FBRSL1: variants seen among roughly 807,000 people sequenced by gnomAD.
The protein encoded by FBRSL1 is fibrosin like 1.
In FBRSL1, 51 loss-of-function variants were observed where a neutral mutation model predicts 89.6. That is an observed-to-expected ratio of 0.57 (90% CI 0.45 to 0.72). FBRSL1 has a LOEUF of 0.72. Among genes scored for constraint, FBRSL1 ranks in the 30% least tolerant of loss-of-function variants. The pLI is 0.00. For missense variants in FBRSL1, 1,618 were observed against 1,451.8 expected (o/e 1.11, Z -1.86); for synonymous variants, 779 against 681.1 (o/e 1.14, Z -2.24).
intron 2 of FBRSL1, among the ~76,000 whole-genome samples, chr12:132,521,296 C>T (rs1006910706): frequency 6.6e-6 from 1 of 152,226 alleles, no homozygotes; most frequent in African/African-American, 2.4e-5. Context: ...CATTTCCACT[C>T]AGACACGGAT....
intron 1 of FBRSL1, among the ~76,000 whole-genome samples, chr12:132,496,524 G>A (rs1055018448): frequency 6.6e-6 from 1 of 152,198 alleles, no homozygotes; most frequent in Non-Finnish European, 1.5e-5. Context: ...CTCTACCTGG[G>A]TACTTTGTTG....
At chr12:132,551,153 A>C in intron 5 of FBRSL1, 1 of 343,130 alleles carries the variant, frequency 2.9e-6, no homozygotes, top group Non-Finnish European at 5.8e-6. Flanking sequence ...CCCGGCTCTG[A>C]GACAGGAACA....
Position 132,530,620 on chromosome 12 carries a change from A to C in FBRSL1, c.615+2632A>C, listed in dbSNP as rs572280794. On this transcript the variant is annotated intron_variant, in intron 4 of 18. Transcript: ENST00000680143. ...ATTATTCAAGTCTTCTCCCCAGAGC[A>C]CTCTGTGTTTCCTGAGAAAGCCCGT... is the stretch of plus-strand genomic sequence containing the variant. Among the ~76,000 whole-genome samples the C allele has an allele frequency of 2.0e-5, 3 of 151,214 alleles. No individual in the cohort carries two copies. In the East Asian group the frequency reaches 5.9e-4, roughly 30 times the overall value.
At chr12:132,510,338 C>T in intron 2 of FBRSL1, 2 of 1,230,580 alleles carry the variant, frequency 1.6e-6, no homozygotes, top group Non-Finnish European at 2.0e-6. Flanking sequence ...AGCCCCGGCT[C>T]TCGCTCCTGG....
chr12:132,580,384 G>A (rs961880570), intron 15 of FBRSL1, among the ~76,000 whole-genome samples: 2 of 152,146 alleles, frequency 1.3e-5, no homozygotes, highest in Admixed American at 6.5e-5. Flanking sequence ...CACTGCGCCC[G>A]GCCAATTTCA....
chr12:132,583,131 C>G lies in FBRSL1; in HGVS notation c.2362C>G (p.Pro788Ala). The change falls in exon 19 of 19, where the codon CCG (proline) becomes GCG (alanine). Residue 788 changes from proline to alanine, a missense_variant. By Grantham distance (27) the Pro-to-Ala change is conservative (BLOSUM62 -1). Transcript: ENST00000680143. The stretch of plus-strand genomic sequence containing the variant: ...ACCTCGGGTCAAGGAGAGCCGCTCC[C>G]CGGCCAAGGAGGAGGCCGCCAAGAT... ...AEPRVKESRS[P>A]AKEEAAKMPA... is the part of the protein sequence containing the mutation. The G allele has an allele frequency of 6.8e-7, 1 of 1,462,912 alleles. No homozygotes were observed. Among genetic ancestry groups the G allele is most frequent in the Non-Finnish European group, 9.0e-7 (1 of 1,111,662 alleles). The allele number at this position is 1,462,912 out of a possible 1,614,324, so 90.6% of individuals were successfully genotyped here. A position where few individuals can be genotyped will look rare whatever the true frequency, so the allele number is the denominator to read the frequency against.
At chr12:132,581,892 C>G in intron 17 of FBRSL1, 68 bp downstream of exon 17, 4 of 1,420,892 alleles carry the variant, frequency 2.8e-6, no homozygotes, top group Non-Finnish European at 3.8e-6. Context: ...GTGTCCTCTG[C>G]AGGAACCCCG....
In FBRSL1 at chr12:132,507,333, G is replaced by A. The variant is rs1432728049; in HGVS notation, c.292-820G>A. 6.1e-6 allele frequency: 6 copies of A among 985,330 alleles called. No homozygotes were observed. The East Asian group carries it at 3.4e-4, about 56-fold the overall frequency. 61.0% of individuals were successfully genotyped at this position (985,330 alleles called of 1,614,324 possible). A position where few individuals can be genotyped will look rare whatever the true frequency, so the allele number is the denominator to read the frequency against. On this transcript the variant is annotated intron_variant, in intron 1 of 18. Transcript: ENST00000680143. ...GGCTCCTCTGGACCCTAAACTTGACGCGCCGTATCTGTCTGCACCAGCCCT... is the reference window on the plus strand; with the variant it reads ...GGCTCCTCTGGACCCTAAACTTGACACGCCGTATCTGTCTGCACCAGCCCT...
chr12:132,517,872 C>T (rs992772802), intron 2 of FBRSL1, among the ~76,000 whole-genome samples: 4 of 152,102 alleles, frequency 2.6e-5, no homozygotes, highest in African/African-American at 9.7e-5. Flanking sequence ...CTGCTGCAGC[C>T]GTTCAGGAGG....
At chr12:132,513,556 CTG>C (rs2034561907) in intron 2 of FBRSL1, among the ~76,000 whole-genome samples, 1 of 152,344 alleles carries the variant, frequency 6.6e-6, no homozygotes, top group South Asian at 2.1e-4. Flanking sequence ...CTGGTCACCT[CTG>C]TGGGGGCCTC....
Position 132,497,762 on chromosome 12 carries a change from C to T in FBRSL1, c.291+6901C>T, listed in dbSNP as rs191753792. On this transcript the variant is annotated intron_variant, in intron 1 of 18. Transcript: ENST00000680143. The stretch of plus-strand genomic sequence containing the variant: ...GGGGATCTAACCCTTCTTAGTGGCC[C>T]GGGGTCAGGCCCTGACTCCCGCCAT... Among the ~76,000 whole-genome samples the T allele has an allele frequency of 1.8e-3, 269 of 152,294 alleles. 1 individual carries two copies. The highest frequency in any genetic ancestry group is 4.8e-3 in the South Asian group (23 of 4,826).
chr12:132,577,494 C>T (rs952993835), intron 15 of FBRSL1, among the ~76,000 whole-genome samples: 23 of 152,194 alleles, frequency 1.5e-4, no homozygotes, highest in Non-Finnish European at 8.8e-5. Flanking sequence ...GGTCCCAGGA[C>T]GGGCCCAGCT....
intron 18 of FBRSL1, 46 bp downstream of exon 18, chr12:132,582,312 C>T (rs1388045218): frequency 6.0e-6 from 9 of 1,490,100 alleles, no homozygotes; most frequent in African/African-American, 1.4e-5. Context: ...ACCCCTACCC[C>T]GTTCTTTCCC....
At chr12:132,532,714 T>C (rs7309146) in intron 4 of FBRSL1, among the ~76,000 whole-genome samples, 112,940 of 145,848 alleles carry the variant, frequency 0.77, 43,340 homozygotes, top group African/African-American at 0.91. Context: ...TTAAGCGCAG[T>C]GCAGGAGGGT....
intron 2 of FBRSL1, among the ~76,000 whole-genome samples, chr12:132,512,835 T>C (rs2034490652): frequency 6.6e-6 from 1 of 152,142 alleles, no homozygotes; most frequent in Non-Finnish European, 1.5e-5. Flanking sequence ...GGCCAACAGC[T>C]GGGGGTGCAG....
intron 2 of FBRSL1, chr12:132,512,043 C>T (rs2034399975): frequency 1.9e-5 from 19 of 982,138 alleles, no homozygotes; most frequent in Admixed American, 6.1e-5. Flanking sequence ...GCTCGGGATT[C>T]ATTGCACTCT....
chr12:132,546,822 C>T lies in FBRSL1; in HGVS notation c.616-1181C>T, dbSNP rs958674982. ...TCATGCGCTGGGAGCAGCACGTTCT[C>T]GCTGCAGAGTGTCTGCTAAAGCGCA... is the stretch of plus-strand genomic sequence containing the variant. On this transcript the variant is annotated intron_variant, in intron 4 of 18. Coordinates refer to ENST00000680143, the MANE Select transcript of FBRSL1 (RefSeq NM_001367871.1). The surrounding 1 kb of genome is among the most constrained non-coding windows in gnomAD (Gnocchi z 4.0). Among the ~76,000 whole-genome samples, 13 of 152,248 alleles carry T rather than the reference C, an allele frequency of 8.5e-5. No individual in the cohort carries two copies. The highest frequency in any genetic ancestry group is 3.1e-4 in the African/African-American group (13 of 41,464).
intron 4 of FBRSL1, among the ~76,000 whole-genome samples, chr12:132,531,159 C>T (rs116965356): frequency 0.024 from 3,659 of 152,168 alleles, 49 homozygotes; most frequent in Non-Finnish European, 0.038. Context: ...AAGAACCGGT[C>T]CCATGGGACG....
chr12:132,541,897 C>T (rs560882937), intron 4 of FBRSL1, among the ~76,000 whole-genome samples: 33 of 123,458 alleles, frequency 2.7e-4, no homozygotes, highest in African/African-American at 8.3e-4. Flanking sequence ...CAGAGCTGCT[C>T]CCCCCACCAC....
Sources: gnomAD v4.1 joint callset for allele counts (sites outside exome capture counted in the v4.1 genomes callset) on GRCh38, gnomAD v4.1.1 for gene constraint, Gnocchi (gnomAD v3.1) non-coding constraint, MANE v1.5 for transcripts, NCBI Gene and HGNC (gene_info 2026-07-23, HGNC 2026-07-21) for gene names.